Variants in FBXW7 observed in about 807,000 individuals in gnomAD.
FBXW7 encodes the protein F-box and WD repeat domain containing 7, also known as F-box/WD repeat-containing protein 7.
In FBXW7, 11 loss-of-function variants were observed where a neutral mutation model predicts 86.3. The ratio of observed to expected loss-of-function variants is 0.13; its 90% CI spans 0.08 to 0.21. The LOEUF is 0.21. Ranked by LOEUF, FBXW7 falls within the 10% of genes least tolerant of loss-of-function variation. FBXW7 has a pLI of 1.00. For missense variants in FBXW7, 488 were observed against 847.4 expected (o/e 0.58, Z 5.27); for synonymous variants, 313 against 297.9 (o/e 1.05, Z -0.52).
chr4:152,344,428 A>C (rs1008902700), intron 6 of FBXW7, among the ~76,000 whole-genome samples: 1 of 152,154 alleles, frequency 6.6e-6, no homozygotes, highest in Non-Finnish European at 1.5e-5. Flanking sequence ...TGCAGGGGTA[A>C]TTCCACATGC....
chr4:152,507,948 G>A (rs1419206809), intron 2 of FBXW7, among the ~76,000 whole-genome samples: 1 of 151,734 alleles, frequency 6.6e-6, no homozygotes, highest in African/African-American at 2.4e-5. Flanking sequence ...CTGGCCTGTA[G>A]TCCTAGCTAC....
chr4:152,390,080 A>G (rs897780440), intron 4 of FBXW7, among the ~76,000 whole-genome samples: 5 of 151,946 alleles, frequency 3.3e-5, no homozygotes, highest in Non-Finnish European at 5.9e-5. Context: ...CTGATTCCAT[A>G]TTATACTATA....
rs557261172 is a variant in FBXW7, at chr4:152,370,832, A to C, written c.502-20708T>G. Among the ~76,000 whole-genome samples the C allele has an allele frequency of 7.9e-5, 12 of 151,236 alleles. 1 individual carries two copies. The highest frequency in any genetic ancestry group is 1.8e-4 in the Non-Finnish European group (12 of 67,804). On this transcript the variant is annotated intron_variant, in intron 4 of 13. Transcript: ENST00000281708. ...ACAAAAACAGTATTAATATTTGAGA[A>C]AGACTCACTGCTTCCCCCATTCCTA...
At chr4:152,409,447 TACTG>T (rs1737728434) in intron 4 of FBXW7, among the ~76,000 whole-genome samples, 1 of 152,210 alleles carries the variant, frequency 6.6e-6, no homozygotes. Flanking sequence ...ACACGGAGAA[TACTG>T]ACATTTTCTT....
At chr4:152,415,162 T>C (rs1240276754) in intron 2 of FBXW7, among the ~76,000 whole-genome samples, 5 of 152,176 alleles carry the variant, frequency 3.3e-5, no homozygotes, top group African/African-American at 1.2e-4. Flanking sequence ...GCCTGTCTTA[T>C]ATTGAACTAG....
chr4:152,444,887 A>G (rs1741232061), intron 2 of FBXW7, among the ~76,000 whole-genome samples: 1 of 152,180 alleles, frequency 6.6e-6, no homozygotes, highest in Non-Finnish European at 1.5e-5. Flanking sequence ...GCTGGACTGC[A>G]GTGGCACAAT....
chr4:152,346,254 T>C lies in FBXW7; in HGVS notation c.726+676A>G, dbSNP rs376498084. On this transcript the variant is annotated intron_variant, in intron 6 of 13. Transcript: ENST00000281708. ...ATCAGGATTCAAGCATGGTAAGCCA[T>C]ATACAAGCATGGCACTGAAGAAAAG... 2.4e-4 allele frequency among the ~76,000 whole-genome samples: 37 copies of C among 152,250 alleles called. No homozygotes were observed. In the South Asian group the frequency reaches 7.3e-3, roughly 30 times the overall value.
chr4:152,527,193 T>C (rs1205223972), intron 2 of FBXW7, among the ~76,000 whole-genome samples: 4 of 152,154 alleles, frequency 2.6e-5, no homozygotes, highest in Non-Finnish European at 4.4e-5. Context: ...CCACCAAAAT[T>C]AAAAGGATAA....
chr4:152,442,569 G>C (rs772755617), intron 2 of FBXW7, among the ~76,000 whole-genome samples: 7 of 152,188 alleles, frequency 4.6e-5, no homozygotes, highest in Non-Finnish European at 8.8e-5. Context: ...ATTTCCAGTG[G>C]TTTACACAAG....
chr4:152,340,508 G>T (rs1425220401), intron 6 of FBXW7, among the ~76,000 whole-genome samples: 4 of 150,260 alleles, frequency 2.7e-5, no homozygotes, highest in African/African-American at 9.8e-5. Flanking sequence ...GAACCCGGGA[G>T]GAGCTTGCAG....
At chr4:152,416,228 G>A (rs1738418277) in intron 2 of FBXW7, among the ~76,000 whole-genome samples, 2 of 152,124 alleles carry the variant, frequency 1.3e-5, no homozygotes. Flanking sequence ...CATGTACTAA[G>A]CATGCTCTTC....
chr4:152,371,206 C>T (rs1318137462), intron 4 of FBXW7, among the ~76,000 whole-genome samples: 12 of 151,890 alleles, frequency 7.9e-5, no homozygotes, highest in South Asian at 6.2e-4. Context: ...AATATATCTA[C>T]CATAAATTTT....
chr4:152,394,146 T>C (rs1736218844), intron 4 of FBXW7, among the ~76,000 whole-genome samples: 1 of 152,140 alleles, frequency 6.6e-6, no homozygotes, highest in South Asian at 2.1e-4. Flanking sequence ...GTTCCATTCA[T>C]AGTGATTGCT....
intron 2 of FBXW7, among the ~76,000 whole-genome samples, chr4:152,418,934 T>G (rs1008682867): frequency 2.0e-5 from 3 of 152,100 alleles, no homozygotes; most frequent in African/African-American, 7.2e-5. Flanking sequence ...AAATTCACAT[T>G]AAAGAGATAA....
At chr4:152,497,074 A>C (rs1205837896) in intron 2 of FBXW7, among the ~76,000 whole-genome samples, 2 of 152,152 alleles carry the variant, frequency 1.3e-5, no homozygotes, top group Admixed American at 6.5e-5. Context: ...TGTCATCCCA[A>C]CACTCTGGGA....
chr4:152,325,727 C>G (rs879834284), intron 12 of FBXW7: 2 of 344,360 alleles, frequency 5.8e-6, no homozygotes, highest in Non-Finnish European at 1.1e-5. Context: ...ACTATTTAAC[C>G]ATTAATTAAC....
chr4:152,325,909 G>A, intron 12 of FBXW7, 97 bp downstream of exon 12: 1 of 905,780 alleles, frequency 1.1e-6, no homozygotes, highest in South Asian at 1.7e-5. Context: ...AATCTTTTTT[G>A]GACTGTACTG....
chr4:152,488,553 G>T (rs1745557949), intron 2 of FBXW7, among the ~76,000 whole-genome samples: 1 of 151,952 alleles, frequency 6.6e-6, no homozygotes, highest in Non-Finnish European at 1.5e-5. Flanking sequence ...ATTTTTCCCT[G>T]TTTTGCCACA....
At chr4:152,369,536 C>CG (rs764526021) in intron 4 of FBXW7, among the ~76,000 whole-genome samples, 1 of 151,782 alleles carries the variant, frequency 6.6e-6, no homozygotes, top group Non-Finnish European at 1.5e-5. Flanking sequence ...AATATTAAGT[C>CG]GGGGGAAAAG....
Sources: gnomAD v4.1 joint callset for allele counts (sites outside exome capture counted in the v4.1 genomes callset) on GRCh38, gnomAD v4.1.1 for gene constraint, MANE v1.5 for transcripts, NCBI Gene and HGNC (gene_info 2026-07-23, HGNC 2026-07-21) for gene names.